Variants in AEBP2 observed in about 807,000 individuals in gnomAD.
AEBP2 encodes the protein zinc finger protein AEBP2.
In AEBP2, 10 loss-of-function variants were observed where a neutral mutation model predicts 50.8. The ratio of observed to expected loss-of-function variants is 0.20; its 90% CI spans 0.12 to 0.33. AEBP2 has a LOEUF of 0.33. Among genes scored for constraint, AEBP2 ranks in the 10% least tolerant of loss-of-function variants. AEBP2 has a pLI of 1.00. For missense variants in AEBP2, 570 were observed against 688.0 expected (o/e 0.83, Z 1.92); for synonymous variants, 296 against 261.3 (o/e 1.13, Z -1.28).
intron 3 of AEBP2, among the ~76,000 whole-genome samples, chr12:19,481,074 G>A (rs955339963): frequency 5.6e-5 from 7 of 125,628 alleles, no homozygotes; most frequent in African/African-American, 2.1e-4. Context: ...TACTGTTATT[G>A]AAACTTTGCA....
intron 3 of AEBP2, among the ~76,000 whole-genome samples, chr12:19,477,573 T>C (rs559781417): frequency 6.6e-6 from 1 of 152,344 alleles, no homozygotes; most frequent in African/African-American, 2.4e-5. Flanking sequence ...TCTTTTTATG[T>C]GATACATCAC....
At chr12:19,513,353 T>C (rs911677987) in intron 6 of AEBP2, among the ~76,000 whole-genome samples, 3 of 152,172 alleles carry the variant, frequency 2.0e-5, no homozygotes, top group Non-Finnish European at 4.4e-5. Context: ...AAATTTTCTT[T>C]TTATAAAAGG....
At position 19,440,005 on chromosome 12, in the gene AEBP2, C is replaced by T. The variant is rs367880727; in HGVS notation, c.306C>T (p.Asp102=). The T allele has an allele frequency of 1.0e-3, 1,538 of 1,519,716 alleles. 2 individuals are homozygous for T. Among genetic ancestry groups the T allele is most frequent in the Non-Finnish European group, 1.2e-3 (1,353 of 1,139,966 alleles). 94.1% of individuals were successfully genotyped at this position (1,519,716 alleles called of 1,614,324 possible). Residue 102 remains aspartate, a synonymous_variant, in exon 1 of 8, where the codon GAC becomes GAT. Transcript: ENST00000266508. The part of the protein sequence containing the change: ...QAGEDEDEEE[D]DEEEEDESSS... ...GGGAGGACGAAGACGAGGAGGAGGA[C>T]GACGAGGAGGAGGAAGATGAGAGCA...
At chr12:19,468,153 T>TGTGTGTGTGTGC (rs1216526151) in intron 2 of AEBP2, among the ~76,000 whole-genome samples, 3 of 151,598 alleles carry the variant, frequency 2.0e-5, no homozygotes, top group Admixed American at 6.6e-5. Context: ...TGTGTGTGTG[T>TGTGTGTGTGTGC]GTGTATGTGT....
intron 3 of AEBP2, among the ~76,000 whole-genome samples, chr12:19,482,566 G>A (rs1779480538): frequency 6.6e-6 from 1 of 152,172 alleles, no homozygotes; most frequent in Admixed American, 6.5e-5. Flanking sequence ...TTTGAAGAGT[G>A]CACCAGTTGC....
intron 1 of AEBP2, among the ~76,000 whole-genome samples, chr12:19,420,880 T>G (rs571475308): frequency 6.6e-6 from 1 of 152,140 alleles, no homozygotes; most frequent in East Asian, 1.9e-4. Context: ...CAGCCTCCCA[T>G]GTCAAGGTCC....
At chr12:19,413,098 G>A (rs2095740343) in intron 1 of AEBP2, 1 of 629,524 alleles carries the variant, frequency 1.6e-6, no homozygotes. Flanking sequence ...GCAGCAGCCG[G>A]GCCGAATTCA....
At chr12:19,407,040 A>G (rs1458142971) in intron 1 of AEBP2, among the ~76,000 whole-genome samples, 2 of 151,946 alleles carry the variant, frequency 1.3e-5, no homozygotes, top group Admixed American at 6.6e-5. Flanking sequence ...GGTGTCTCAC[A>G]CTTGTAATCT....
chr12:19,424,386 G>A (rs2095747415), intron 1 of AEBP2, among the ~76,000 whole-genome samples: 1 of 151,934 alleles, frequency 6.6e-6, no homozygotes, highest in Non-Finnish European at 1.5e-5. Flanking sequence ...TTAAGTAAAG[G>A]CTAAGATGTC....
At chr12:19,406,799 C>A (rs1218342097) in intron 1 of AEBP2, among the ~76,000 whole-genome samples, 3 of 152,096 alleles carry the variant, frequency 2.0e-5, no homozygotes, top group Non-Finnish European at 4.4e-5. Flanking sequence ...GGATTTTCTC[C>A]TATGTTATCT....
At chr12:19,486,799 T>G (rs1373546784) in intron 3 of AEBP2, among the ~76,000 whole-genome samples, 1 of 150,498 alleles carries the variant, frequency 6.6e-6, no homozygotes, top group Non-Finnish European at 1.5e-5. Flanking sequence ...CAGTCCTTTC[T>G]TTTCTTTTCT....
At chr12:19,459,575 C>T (rs1025718288) in intron 1 of AEBP2, among the ~76,000 whole-genome samples, 1 of 152,086 alleles carries the variant, frequency 6.6e-6, no homozygotes, top group Non-Finnish European at 1.5e-5. Context: ...ATATGTATTT[C>T]GGTATAGAAA....
At chr12:19,465,886 G>A (rs1333531866) in intron 2 of AEBP2, among the ~76,000 whole-genome samples, 1 of 151,250 alleles carries the variant, frequency 6.6e-6, no homozygotes, top group East Asian at 2.0e-4. Flanking sequence ...CCGTCTCCTG[G>A]GTTCAAGCAA....
intron 3 of AEBP2, among the ~76,000 whole-genome samples, chr12:19,476,041 T>C (rs1324765940): frequency 2.0e-5 from 3 of 152,196 alleles, no homozygotes; most frequent in Non-Finnish European, 4.4e-5. Context: ...TTATTTCTTT[T>C]TATGTGCAGA....
Position 19,439,551 on chromosome 12 carries a change from G to A in AEBP2, c.-149G>A. The A allele has an allele frequency of 9.4e-7, 1 of 1,058,776 alleles. No individual in the cohort carries two copies. The highest frequency in any genetic ancestry group is 1.7e-5 in the South Asian group (1 of 59,204). 65.6% of individuals were successfully genotyped at this position (1,058,776 alleles called of 1,614,324 possible). On this transcript the variant is annotated 5_prime_UTR_variant, in exon 1 of 8. In the 5' UTR this introduces an upstream ATG that the reference lacks. Transcript: ENST00000266508. ...TCCCCGCGCGGGCTCCGTAGCGCGT[G>A]TGCAGGCTGACGCAGCTCGCGGGCC...
intron 1 of AEBP2, among the ~76,000 whole-genome samples, chr12:19,405,933 C>T (rs1045230366): frequency 1.3e-5 from 2 of 150,768 alleles, no homozygotes. Context: ...TCCGGAGTAG[C>T]TGGGACTACA....
intron 1 of AEBP2, among the ~76,000 whole-genome samples, chr12:19,416,425 GAC>G: frequency 8.4e-6 from 1 of 119,410 alleles, no homozygotes; most frequent in South Asian, 2.4e-4. Flanking sequence ...CTTTTTTTGA[GAC>G]AGAGTTTCAC....
intron 1 of AEBP2, among the ~76,000 whole-genome samples, chr12:19,443,106 T>C (rs1947992749): frequency 6.6e-6 from 1 of 150,514 alleles, no homozygotes. Flanking sequence ...TCTTTTTCTT[T>C]TTTTTTTTTG....
intron 3 of AEBP2, among the ~76,000 whole-genome samples, chr12:19,484,994 C>A (rs911134939): frequency 3.9e-5 from 6 of 152,084 alleles, no homozygotes; most frequent in African/African-American, 1.4e-4. Context: ...GTTGGTAGTA[C>A]TAATTACATC....
Sources: allele counts gnomAD v4.1 joint callset (sites outside exome capture counted in the v4.1 genomes callset), GRCh38; gene constraint gnomAD v4.1.1; transcripts MANE v1.5; gene names NCBI Gene and HGNC (gene_info 2026-07-23, HGNC 2026-07-21).